OCA2: variants seen among roughly 807,000 people sequenced by gnomAD.
The protein encoded by OCA2 is P protein.
OCA2 carries 77 observed loss-of-function variants against 100.2 expected under a neutral mutation model. That is an observed-to-expected ratio of 0.77 (90% CI 0.64 to 0.93). The LOEUF is 0.93. Among genes scored for constraint, OCA2 ranks in the 40% least tolerant of loss-of-function variants. OCA2 has a pLI of 0.00. For synonymous variants in OCA2, 432 were observed against 439.2 expected (o/e 0.98, Z 0.21); for missense variants, 1,062 against 1,089.1 (o/e 0.98, Z 0.35).
At chr15:27,987,865 A>ACT (rs1438461303) in intron 11 of OCA2, among the ~76,000 whole-genome samples, 1 of 152,230 alleles carries the variant, frequency 6.6e-6, no homozygotes, top group East Asian at 1.9e-4. Context: ...AATACTCAGT[A>ACT]AACAGGAGTC....
chr15:27,928,697 G>A (rs748060722), intron 18 of OCA2, among the ~76,000 whole-genome samples: 1 of 152,120 alleles, frequency 6.6e-6, no homozygotes, highest in African/African-American at 2.4e-5. Context: ...CACATTCCCA[G>A]CCTCATGCCT....
At chr15:28,054,732 G>A (rs546659766) in intron 2 of OCA2, among the ~76,000 whole-genome samples, 11 of 151,064 alleles carry the variant, frequency 7.3e-5, no homozygotes, top group African/African-American at 2.7e-4. Context: ...GTATTAGCCC[G>A]TTCTCATGCT....
At chr15:28,050,161 T>A (rs2043464692) in intron 2 of OCA2, among the ~76,000 whole-genome samples, 1 of 152,018 alleles carries the variant, frequency 6.6e-6, no homozygotes, top group Non-Finnish European at 1.5e-5. Context: ...GGCACATGCC[T>A]GTAGTCCCAG....
At chr15:27,723,177 A>G in the OCA2 span, among the ~76,000 whole-genome samples, 1 of 152,162 alleles carries the variant, frequency 6.6e-6, no homozygotes, top group South Asian at 2.1e-4. Context: ...ATGAGCACCT[A>G]AAATATTATG....
intron 14 of OCA2, among the ~76,000 whole-genome samples, chr15:27,971,192 G>A (rs2040776838): frequency 6.6e-6 from 1 of 152,054 alleles, no homozygotes; most frequent in Non-Finnish European, 1.5e-5. Flanking sequence ...GGGAAAACGG[G>A]AAGAATGTCC....
chr15:27,807,352 ACTC>A (rs2033899816), intron 23 of OCA2, among the ~76,000 whole-genome samples: 1 of 151,752 alleles, frequency 6.6e-6, no homozygotes, highest in African/African-American at 2.4e-5. Context: ...TTTGCTGACC[ACTC>A]CTGATGCCGG....
chr15:27,954,462 T>C (rs1211902878), intron 17 of OCA2, among the ~76,000 whole-genome samples: 3 of 152,158 alleles, frequency 2.0e-5, no homozygotes, highest in African/African-American at 7.2e-5. Flanking sequence ...ATAAGCACGA[T>C]AGATGTGAGG....
chr15:27,841,871 G>A (rs530005299), intron 23 of OCA2, among the ~76,000 whole-genome samples: 1 of 152,330 alleles, frequency 6.6e-6, no homozygotes, highest in African/African-American at 2.4e-5. Flanking sequence ...TGAACCTTGA[G>A]CATTTCAAAT....
chr15:27,738,496 G>A, the OCA2 span, among the ~76,000 whole-genome samples: 3 of 152,306 alleles, frequency 2.0e-5, no homozygotes, highest in Non-Finnish European at 4.4e-5. Context: ...AGCATTTTGG[G>A]AGGCCGAGGC....
chr15:27,930,472 A>C (rs2039207308), intron 18 of OCA2, among the ~76,000 whole-genome samples: 1 of 151,882 alleles, frequency 6.6e-6, no homozygotes, highest in Non-Finnish European at 1.5e-5. Context: ...CCATGGGTCA[A>C]ATCTGACCCC....
intron 23 of OCA2, among the ~76,000 whole-genome samples, chr15:27,811,679 A>G (rs2034083909): frequency 6.6e-6 from 1 of 152,204 alleles, no homozygotes; most frequent in Non-Finnish European, 1.5e-5. Context: ...CTGTAGGGAC[A>G]CAGGGCCGTG....
intron 23 of OCA2, among the ~76,000 whole-genome samples, chr15:27,802,314 G>T (rs2033649695): frequency 6.6e-6 from 1 of 152,058 alleles, no homozygotes; most frequent in African/African-American, 2.4e-5. Flanking sequence ...TAAAAAAATG[G>T]AGAAACATAC....
chr15:28,037,596 T>C (rs1222865732), intron 2 of OCA2, among the ~76,000 whole-genome samples: 1 of 152,246 alleles, frequency 6.6e-6, no homozygotes, highest in Admixed American at 6.5e-5. Flanking sequence ...AGGATTTTAG[T>C]TGATGAGTAT....
chr15:27,837,407 G>A (rs1410855673), intron 23 of OCA2, among the ~76,000 whole-genome samples: 1 of 152,246 alleles, frequency 6.6e-6, no homozygotes, highest in Admixed American at 6.5e-5. Context: ...TACGTGGGCA[G>A]CCTGCCTTTC....
chr15:28,028,014 T>C lies in OCA2; in HGVS notation c.372A>G (p.Glu124=). The change falls in exon 4 of 24, where the codon GAA becomes GAG. Residue 124 remains glutamate (E), a synonymous_variant. Transcript: ENST00000354638. ...PVYHPEFITA[E]ESWEDSSADW... is the part of the protein sequence containing the mutation. ...CAGCAGAGCTGTCTTCCCAAGACTCTTCAGCAGTGATGAACTCTGGATGGT... is the reference window on the plus strand; with the variant it reads ...CAGCAGAGCTGTCTTCCCAAGACTCCTCAGCAGTGATGAACTCTGGATGGT... 1 of 1,614,230 alleles carries C rather than the reference T, an allele frequency of 6.2e-7. No homozygotes were observed. Among genetic ancestry groups the C allele is most frequent in the South Asian group, 1.1e-5 (1 of 91,078 alleles).
At chr15:27,985,311 A>G (rs2140981477) in intron 12 of OCA2, 123 bp from the exon 13 acceptor site, 5 of 1,182,620 alleles carry the variant, frequency 4.2e-6, no homozygotes, top group Non-Finnish European at 6.1e-6. Flanking sequence ...GGGTTAAGAC[A>G]TAGACCCACG....
chr15:27,731,237 T>C, the OCA2 span, among the ~76,000 whole-genome samples: 1 of 152,318 alleles, frequency 6.6e-6, no homozygotes, highest in African/African-American at 2.4e-5. Flanking sequence ...GCATGCAAAG[T>C]CTTCAAAGGT....
chr15:27,966,830 T>C lies in OCA2; in HGVS notation c.1504-8A>G, dbSNP rs1489307478. 20 of 1,607,010 alleles carry C rather than the reference T, an allele frequency of 1.2e-5. No homozygotes were observed. The Admixed American group carries it at 3.0e-4, about 24-fold the overall frequency. ...TCCGGCAAAGTCCAGGCCCTGGAAATAAACAAGGGGAAATGAAATGGCAGC... is the reference window on the plus strand; with the variant it reads ...TCCGGCAAAGTCCAGGCCCTGGAAACAAACAAGGGGAAATGAAATGGCAGC... On this transcript the variant is annotated splice_region_variant and splice_polypyrimidine_tract_variant and intron_variant, in intron 14 of 23. Coordinates refer to ENST00000354638, the MANE Select transcript of OCA2 (RefSeq NM_000275.3).
At chr15:27,793,738 C>T (rs947977021) in intron 23 of OCA2, among the ~76,000 whole-genome samples, 3 of 152,344 alleles carry the variant, frequency 2.0e-5, no homozygotes, top group African/African-American at 7.2e-5. Flanking sequence ...GACCATTCTG[C>T]GGTGTGCAAG....
Sources: allele counts gnomAD v4.1 joint callset (sites outside exome capture counted in the v4.1 genomes callset), GRCh38; gene constraint gnomAD v4.1.1; transcripts MANE v1.5; gene names NCBI Gene and HGNC (gene_info 2026-07-23, HGNC 2026-07-21).